The following PHACTR1 variants were observed in gnomAD, a reference collection of about 807,000 sequenced individuals.
PHACTR1 encodes phosphatase and actin regulator 1.
In PHACTR1, 16 loss-of-function variants were observed where a neutral mutation model predicts 69.2. The observed-to-expected ratio is 0.23, with a 90% CI of 0.16 to 0.35. The LOEUF is 0.35. Among genes scored for constraint, PHACTR1 ranks in the 10% least tolerant of loss-of-function variants. The pLI is 1.00. For synonymous variants in PHACTR1, 312 were observed against 284.5 expected (o/e 1.10, Z -0.97); for missense variants, 510 against 734.7 (o/e 0.69, Z 3.54).
chr6:13,279,239 T>A (rs1391512174), intron 12 of PHACTR1: 1 of 152,218 alleles, frequency 6.6e-6, no homozygotes, highest in African/African-American at 2.4e-5. Flanking sequence ...CTCGCATGCA[T>A]CTCATTCCAC....
chr6:12,893,212 G>A (rs1010208032), intron 4 of PHACTR1, among the ~76,000 whole-genome samples: 32 of 152,182 alleles, frequency 2.1e-4, no homozygotes, highest in Admixed American at 7.2e-4. Flanking sequence ...GCTCCAAGAG[G>A]TCAAAAGGGT....
At chr6:13,176,131 A>C (rs1489836454) in intron 6 of PHACTR1, among the ~76,000 whole-genome samples, 1 of 152,158 alleles carries the variant, frequency 6.6e-6, no homozygotes, top group Non-Finnish European at 1.5e-5. Context: ...CCCTCTAACC[A>C]AGCTATTATT....
At chr6:12,943,126 TCAATGAA>T (rs1790226901) in intron 4 of PHACTR1, among the ~76,000 whole-genome samples, 1 of 152,192 alleles carries the variant, frequency 6.6e-6, no homozygotes, top group Non-Finnish European at 1.5e-5. Context: ...CAAATGTTCA[TCAATGAA>T]CAAAGTGTGG....
chr6:12,908,960 G>A (rs1252534565), intron 4 of PHACTR1, among the ~76,000 whole-genome samples: 1 of 152,178 alleles, frequency 6.6e-6, no homozygotes, highest in Non-Finnish European at 1.5e-5. Context: ...TGCATCAGGT[G>A]GCTGCATAGA....
At chr6:13,198,726 G>A (rs1764775456) in intron 7 of PHACTR1, among the ~76,000 whole-genome samples, 1 of 152,132 alleles carries the variant, frequency 6.6e-6, no homozygotes, top group South Asian at 2.1e-4. Context: ...GCTGTCCTGG[G>A]TCGCATGCAG....
At chr6:12,776,867 G>A (rs542827222) in intron 4 of PHACTR1, among the ~76,000 whole-genome samples, 3 of 152,178 alleles carry the variant, frequency 2.0e-5, no homozygotes, top group Non-Finnish European at 4.4e-5. Flanking sequence ...TTTAGCAAAT[G>A]TAGAAAACTA....
At chr6:12,936,339 C>G (rs925036630) in intron 4 of PHACTR1, among the ~76,000 whole-genome samples, 1 of 152,128 alleles carries the variant, frequency 6.6e-6, no homozygotes, top group Non-Finnish European at 1.5e-5. Context: ...TTAATCTAGC[C>G]TGAGGCACTG....
intron 4 of PHACTR1, among the ~76,000 whole-genome samples, chr6:12,954,920 A>C (rs1418497732): frequency 6.6e-6 from 1 of 152,214 alleles, no homozygotes; most frequent in Non-Finnish European, 1.5e-5. Flanking sequence ...TAATGTGATA[A>C]CCACTAACCA....
At chr6:12,883,292 C>A (rs13208248) in intron 4 of PHACTR1, among the ~76,000 whole-genome samples, 44,773 of 151,942 alleles carry the variant, frequency 0.29, 6,975 homozygotes, top group Middle Eastern at 0.46. Context: ...CGGCTCACTG[C>A]AACCTCCACC....
At chr6:12,937,878 A>G (rs1789636017) in intron 4 of PHACTR1, among the ~76,000 whole-genome samples, 1 of 152,212 alleles carries the variant, frequency 6.6e-6, no homozygotes, top group Admixed American at 6.5e-5. Flanking sequence ...AGGCATGCTG[A>G]TCACTTGAGG....
chr6:13,212,739 G>A (rs1161076635), intron 8 of PHACTR1, among the ~76,000 whole-genome samples: 2 of 152,088 alleles, frequency 1.3e-5, no homozygotes, highest in African/African-American at 2.4e-5. Context: ...CGGACGTGCC[G>A]GACACCTCCT....
chr6:13,228,006 A>G lies in PHACTR1; in HGVS notation c.1177A>G (p.Thr393Ala). Residue 393 changes from threonine (T) to alanine (A), a missense_variant, in exon 9 of 15, where the codon ACA (threonine) becomes GCA (alanine). Thr to Ala is a moderately conservative substitution (Grantham distance 58, BLOSUM62 0). Transcript: ENST00000332995. Reference protein sequence around the residue: ...SDYEDSSCLYTREEEEEEEDE... With the variant: ...SDYEDSSCLYAREEEEEEEDE... ...CTACGAAGACTCTTCTTGCCTGTAT[A>G]CAAGAGAAGAGGAGGAAGAGGAGGA... 6.2e-7 allele frequency: 1 copy of G among 1,614,018 alleles called. No homozygotes were observed. The highest frequency in any genetic ancestry group is 2.2e-5 in the East Asian group (1 of 44,886).
intron 5 of PHACTR1, among the ~76,000 whole-genome samples, chr6:13,133,255 C>T (rs1255019390): frequency 9.0e-6 from 1 of 110,730 alleles, no homozygotes; most frequent in African/African-American, 3.3e-5. Flanking sequence ...TTCCCTCTCC[C>T]TCTCCCCACA....
chr6:13,099,717 T>C (rs1213556512), intron 5 of PHACTR1, among the ~76,000 whole-genome samples: 1 of 152,194 alleles, frequency 6.6e-6, no homozygotes, highest in Non-Finnish European at 1.5e-5. Context: ...CCCAATAAAA[T>C]GACATTAACT....
intron 4 of PHACTR1, among the ~76,000 whole-genome samples, chr6:12,863,026 A>G (rs139169945): frequency 6.6e-5 from 10 of 152,314 alleles, no homozygotes; most frequent in African/African-American, 1.4e-4. Flanking sequence ...TCACCTTTAG[A>G]TGGGGACTCT....
At chr6:13,193,963 C>G (rs550379853) in intron 7 of PHACTR1, among the ~76,000 whole-genome samples, 9 of 152,274 alleles carry the variant, frequency 5.9e-5, no homozygotes, top group African/African-American at 2.2e-4. Context: ...TCCCTAGGAG[C>G]AGCAGCACCA....
intron 4 of PHACTR1, among the ~76,000 whole-genome samples, chr6:12,757,282 T>C (rs2127604917): frequency 6.6e-6 from 1 of 152,164 alleles, no homozygotes; most frequent in South Asian, 2.1e-4. Flanking sequence ...AACTAGAGTG[T>C]TCCTGGCATG....
chr6:12,737,498 AT>A (rs1764434852), intron 3 of PHACTR1, among the ~76,000 whole-genome samples: 1 of 151,528 alleles, frequency 6.6e-6, no homozygotes, highest in South Asian at 2.1e-4. Context: ...TTTATATGTG[AT>A]TTTATATATG....
chr6:12,854,462 G>A lies in PHACTR1; in HGVS notation c.250+104672G>A, dbSNP rs547630623. 9.2e-5 allele frequency among the ~76,000 whole-genome samples: 14 copies of A among 152,306 alleles called. No individual in the cohort carries two copies. In the East Asian group the frequency reaches 2.7e-3, roughly 29 times the overall value. On this transcript the variant is annotated intron_variant, in intron 4 of 14. Coordinates refer to ENST00000332995, the MANE Select transcript of PHACTR1 (RefSeq NM_030948.6). ...TATTTCTATCAAATCAGGATAGAAT[G>A]CTTTGTTGTGTACCTAAGGAAATAT...
Sources: gnomAD v4.1 joint callset for allele counts (sites outside exome capture counted in the v4.1 genomes callset) on GRCh38, gnomAD v4.1.1 for gene constraint, MANE v1.5 for transcripts, NCBI Gene and HGNC (gene_info 2026-07-23, HGNC 2026-07-21) for gene names.